The following GFRA2 variants were observed in gnomAD, a reference collection of about 807,000 sequenced individuals.
The protein encoded by GFRA2 is GDNF family receptor alpha-2.
In GFRA2, 17 loss-of-function variants were observed where a neutral mutation model predicts 48.3. The ratio of observed to expected loss-of-function variants is 0.35; its 90% CI spans 0.24 to 0.53. GFRA2 has a LOEUF of 0.53. Among genes scored for constraint, GFRA2 ranks in the 20% least tolerant of loss-of-function variants. GFRA2 has a pLI of 0.93. For synonymous variants in GFRA2, 305 were observed against 257.2 expected (o/e 1.19, Z -1.78); for missense variants, 660 against 637.3 (o/e 1.04, Z -0.38).
At chr8:21,796,796 A>C (rs1807684920) in intron 2 of GFRA2, among the ~76,000 whole-genome samples, 1 of 152,210 alleles carries the variant, frequency 6.6e-6, no homozygotes, top group East Asian at 1.9e-4. Context: ...TTAACCTCAA[A>C]GAATGAATTG....
rs200687629 is a variant in GFRA2 at position 21,775,989 on chromosome 8, CTGTGTGTGTGTGTG to C, written c.356-948_356-935del. Among the ~76,000 whole-genome samples the C allele has an allele frequency of 7.7e-4, 98 of 126,476 alleles. 1 individual carries two copies. The highest frequency in any genetic ancestry group is 4.1e-3 in the East Asian group (17 of 4,128). The allele number at this position is 126,476 out of a possible 152,430, so 83.0% of individuals were successfully genotyped here. A position where few individuals can be genotyped will look rare whatever the true frequency, so the allele number is the denominator to read the frequency against. On this transcript the variant is annotated intron_variant, in intron 2 of 8. Transcript: ENST00000524240. ...AAATTGATGGCTCACCACTCATCCT[CTGTGTGTGTGTGTG>C]TGTGTGTGTGTGTGTGTGTGTGTGT...
chr8:21,793,304 CA>C (rs1311804649), upstream of GFRA2, among the ~76,000 whole-genome samples: 7 of 152,004 alleles, frequency 4.6e-5, no homozygotes, highest in African/African-American at 1.7e-4. Flanking sequence ...GGATGGAGAC[CA>C]GGGGCCAATT....
chr8:21,765,157 A>G (rs36183062), intron 3 of GFRA2, among the ~76,000 whole-genome samples: 38,356 of 151,468 alleles, frequency 0.25, 5,560 homozygotes, highest in African/African-American at 0.39. Flanking sequence ...TGTCACCCAC[A>G]CTGGAGTGCA....
At chr8:21,756,491 G>A (rs1679233715) in intron 3 of GFRA2, among the ~76,000 whole-genome samples, 1 of 152,174 alleles carries the variant, frequency 6.6e-6, no homozygotes, top group African/African-American at 2.4e-5. Flanking sequence ...TTATGAGGGA[G>A]ATGGTGGGGT....
intron 1 of GFRA2, among the ~76,000 whole-genome samples, chr8:21,807,450 G>A (rs1036479782): frequency 2.6e-5 from 4 of 152,124 alleles, no homozygotes; most frequent in African/African-American, 7.2e-5. Flanking sequence ...CCCGGTCTGC[G>A]GTATTCTGTT....
At chr8:21,804,184 T>G (rs1807818160) in intron 2 of GFRA2, among the ~76,000 whole-genome samples, 1 of 147,292 alleles carries the variant, frequency 6.8e-6, no homozygotes, top group Non-Finnish European at 1.5e-5. Flanking sequence ...GAGTCACTAA[T>G]TTTACATACA....
At chr8:21,729,840 C>CCACA (rs1804092523) in intron 4 of GFRA2, among the ~76,000 whole-genome samples, 1 of 152,210 alleles carries the variant, frequency 6.6e-6, no homozygotes, top group South Asian at 2.1e-4. Flanking sequence ...AATTAAGGGA[C>CCACA]CACATCCCGC....
chr8:21,751,655 C>A (rs1805299918), intron 3 of GFRA2, among the ~76,000 whole-genome samples: 1 of 152,236 alleles, frequency 6.6e-6, no homozygotes, highest in Non-Finnish European at 1.5e-5. Flanking sequence ...GAGCACCACT[C>A]TCTCCACACA....
rs778196839 is a variant in GFRA2 at position 21,750,695 on chromosome 8, G to A, written c.687C>T (p.Cys229=). The A allele has an allele frequency of 4.0e-5, 64 of 1,613,694 alleles. No individual in the cohort carries two copies. The highest frequency in any genetic ancestry group is 1.6e-4 in the Middle Eastern group (1 of 6,084). The change falls in exon 4 of 9, where the codon TGC becomes TGT. Residue 229 remains cysteine, a synonymous_variant. Coordinates refer to ENST00000524240, the MANE Select transcript of GFRA2 (RefSeq NM_001495.5). This position sits in a 1 kb window ranked among gnomAD's most constrained non-coding sequence, Gnocchi z 5.7. ...MLFCSCQDQA[C]AERRRQTILP... is the part of the protein sequence containing the mutation. ...GGATGGTTTGCCGGCGGCGCTCAGC[G>A]CACGCCTGGTCTTGGCAGGAGCAGA...
intron 2 of GFRA2, among the ~76,000 whole-genome samples, chr8:21,797,287 C>CTTTTTTTTTTTTTTTTTTTTTT (rs1159867192): frequency 5.8e-5 from 5 of 85,646 alleles, no homozygotes; most frequent in Admixed American, 1.5e-4. Flanking sequence ...CCTTTCTTTG[C>CTTTTTTTTTTTTTTTTTTTTTT]TTTTTTTTTT....
intron 4 of GFRA2, among the ~76,000 whole-genome samples, chr8:21,718,954 TAA>T (rs565261333): frequency 1.7e-4 from 24 of 140,682 alleles, no homozygotes; most frequent in African/African-American, 6.5e-4. Context: ...AGCCACAGAA[TAA>T]AGTTTTCTTT....
intron 4 of GFRA2, among the ~76,000 whole-genome samples, chr8:21,736,266 CT>C: frequency 6.6e-6 from 1 of 152,240 alleles, no homozygotes; most frequent in Non-Finnish European, 1.5e-5. Flanking sequence ...AAAAAACAGA[CT>C]CTCATAAAAA....
At chr8:21,796,237 G>T (rs1585350959) in intron 2 of GFRA2, among the ~76,000 whole-genome samples, 1 of 152,338 alleles carries the variant, frequency 6.6e-6, no homozygotes, top group African/African-American at 2.4e-5. Flanking sequence ...GCAGATGAAA[G>T]CTGCCTGGAG....
intron 3 of GFRA2, among the ~76,000 whole-genome samples, chr8:21,757,576 C>T (rs1436940142): frequency 6.6e-6 from 1 of 150,602 alleles, no homozygotes; most frequent in African/African-American, 2.5e-5. Context: ...TCACTGCAGC[C>T]ACTGCCTCCC....
At chr8:21,743,855 A>C (rs1238978348) in intron 4 of GFRA2, among the ~76,000 whole-genome samples, 1 of 152,196 alleles carries the variant, frequency 6.6e-6, no homozygotes, top group African/African-American at 2.4e-5. Flanking sequence ...CTAGAGAAGG[A>C]AGAGGTTCCT....
At chr8:21,742,378 C>T (rs1307548458) in intron 4 of GFRA2, among the ~76,000 whole-genome samples, 5 of 152,218 alleles carry the variant, frequency 3.3e-5, no homozygotes, top group African/African-American at 7.2e-5. Flanking sequence ...AAAGACCATA[C>T]GAGGACGTAA....
Position 21,729,046 on chromosome 8 carries a change from G to C in GFRA2, c.794+21542C>G, listed in dbSNP as rs193152192. 2.6e-5 allele frequency among the ~76,000 whole-genome samples: 4 copies of C among 152,302 alleles called. No homozygotes were observed. In the East Asian group the frequency reaches 5.8e-4, roughly 22 times the overall value. On this transcript the variant is annotated intron_variant, in intron 4 of 8. Coordinates refer to ENST00000524240, the MANE Select transcript of GFRA2 (RefSeq NM_001495.5). ...GGGCAGTTCAAGACCAGAGCAGGAC[G>C]GGGCCAACCCAGGCCTGGAAAACAA... is the stretch of plus-strand genomic sequence containing the variant.
intron 2 of GFRA2, among the ~76,000 whole-genome samples, chr8:21,800,806 G>A (rs2117113213): frequency 6.6e-6 from 1 of 152,030 alleles, no homozygotes; most frequent in South Asian, 2.1e-4. Flanking sequence ...TACACCAGTA[G>A]TCTCAGCTAC....
At position 21,809,529 on chromosome 8, in the gene GFRA2, G is replaced by A. The variant is rs374856173; in HGVS notation, c.-148+2702C>T. On this transcript the variant is annotated intron_variant, in intron 1 of 10. Transcript: ENST00000517328. ...TTTTTAGTAGAAAAGGGGTTTCACC[G>A]TGTTAGCCAGGATGGTCTTGATCTC... 3.0e-4 allele frequency among the ~76,000 whole-genome samples: 45 copies of A among 152,096 alleles called. No individual in the cohort carries two copies. The South Asian group carries it at 8.3e-3, about 28-fold the overall frequency.
Sources: allele counts gnomAD v4.1 joint callset (sites outside exome capture counted in the v4.1 genomes callset), GRCh38; gene constraint gnomAD v4.1.1; non-coding constraint Gnocchi (gnomAD v3.1); transcripts MANE v1.5; gene names NCBI Gene and HGNC (gene_info 2026-07-23, HGNC 2026-07-21).